The following NFATC2 variants were observed in gnomAD, a reference collection of about 807,000 sequenced individuals.
NFATC2 encodes nuclear factor of activated T cells 2.
NFATC2 carries 22 observed loss-of-function variants against 87.3 expected under a neutral mutation model. That is an observed-to-expected ratio of 0.25 (90% CI 0.18 to 0.36). The LOEUF is 0.36. NFATC2 is among the 10% of genes least tolerant of loss of function. The pLI is 1.00. For missense variants in NFATC2, 1,149 were observed against 1,259.1 expected (o/e 0.91, Z 1.32); for synonymous variants, 565 against 542.2 (o/e 1.04, Z -0.58).
At chr20:51,470,452 T>C (rs910107912) in intron 5 of NFATC2, among the ~76,000 whole-genome samples, 1 of 152,138 alleles carries the variant, frequency 6.6e-6, no homozygotes, top group Non-Finnish European at 1.5e-5. Context: ...TCCTAGGAAA[T>C]CACTCCACCT....
intron 1 of NFATC2, among the ~76,000 whole-genome samples, chr20:51,528,876 A>G (rs979284623): frequency 7.9e-5 from 12 of 152,172 alleles, no homozygotes; most frequent in Non-Finnish European, 1.8e-4. Flanking sequence ...TTTATAACTG[A>G]ACAGCATTAA....
intron 8 of NFATC2, among the ~76,000 whole-genome samples, chr20:51,434,724 GAA>G (rs751188635): frequency 6.6e-6 from 1 of 152,138 alleles, no homozygotes; most frequent in African/African-American, 2.4e-5. Flanking sequence ...TACTTTGTGG[GAA>G]TGAGACCTCC....
chr20:51,546,476 A>AGGGATGGAGGT (rs1005941516), upstream of NFATC2, among the ~76,000 whole-genome samples: 16 of 152,290 alleles, frequency 1.1e-4, no homozygotes, highest in African/African-American at 3.6e-4. Context: ...TGGGAGGTGG[A>AGGGATGGAGGT]GGGATGGAGG....
intron 5 of NFATC2, among the ~76,000 whole-genome samples, chr20:51,468,367 T>A (rs1039601173): frequency 6.6e-6 from 1 of 152,170 alleles, no homozygotes; most frequent in Admixed American, 6.5e-5. Context: ...GAAAAGAGCA[T>A]GTGAAAAAAT....
chr20:51,484,566 A>G (rs1989548614), intron 3 of NFATC2, among the ~76,000 whole-genome samples: 1 of 152,212 alleles, frequency 6.6e-6, no homozygotes, highest in South Asian at 2.1e-4. Context: ...AGTCTGTGAC[A>G]TCATGGGAGG....
At chr20:51,468,731 G>C (rs1007673665) in intron 5 of NFATC2, among the ~76,000 whole-genome samples, 2 of 152,234 alleles carry the variant, frequency 1.3e-5, no homozygotes, top group African/African-American at 4.8e-5. Context: ...GCCTGGTTCC[G>C]TCTTTATAGG....
At chr20:51,544,630 G>A (rs1027998036), upstream of NFATC2, among the ~76,000 whole-genome samples, 2 of 152,162 alleles carry the variant, frequency 1.3e-5, no homozygotes, top group East Asian at 1.9e-4. Context: ...AGTTATGAAC[G>A]GGGTTTTCAA....
At chr20:51,519,361 C>A (rs2076404580) in intron 2 of NFATC2, among the ~76,000 whole-genome samples, 1 of 151,814 alleles carries the variant, frequency 6.6e-6, no homozygotes, top group South Asian at 2.1e-4. Flanking sequence ...TGCCTGTAAT[C>A]CCAGCACTTA....
At chr20:51,518,785 A>G (rs1432620309) in intron 2 of NFATC2, among the ~76,000 whole-genome samples, 1 of 152,196 alleles carries the variant, frequency 6.6e-6, no homozygotes, top group Non-Finnish European at 1.5e-5. Flanking sequence ...TATGACATGA[A>G]CCATGAAGTA....
intron 9 of NFATC2, 90 bp from the exon 10 acceptor site, chr20:51,398,820 C>G: frequency 1.1e-6 from 1 of 896,642 alleles, no homozygotes; most frequent in Non-Finnish European, 1.8e-6. Context: ...CGATATCATC[C>G]AAGCCCAGGA....
At chr20:51,455,047 C>T (rs1986259143) in intron 5 of NFATC2, among the ~76,000 whole-genome samples, 1 of 152,170 alleles carries the variant, frequency 6.6e-6, no homozygotes, top group Non-Finnish European at 1.5e-5. Flanking sequence ...GGCAAATAAA[C>T]TTCTTTATAA....
intron 1 of NFATC2, among the ~76,000 whole-genome samples, chr20:51,526,004 C>T (rs2076540113): frequency 1.3e-5 from 2 of 150,848 alleles, no homozygotes; most frequent in South Asian, 4.2e-4. Context: ...GCAGCTCCTG[C>T]CTCAGACGCC....
At chr20:51,402,039 C>T (rs117299539) in intron 9 of NFATC2, among the ~76,000 whole-genome samples, 198 of 152,336 alleles carry the variant, frequency 1.3e-3, no homozygotes, top group African/African-American at 4.4e-3. Context: ...GTCTAAGGGA[C>T]GTCCAGTTTT....
At chr20:51,481,358 T>A (rs1422542862) in intron 3 of NFATC2, among the ~76,000 whole-genome samples, 1 of 151,502 alleles carries the variant, frequency 6.6e-6, no homozygotes, top group Non-Finnish European at 1.5e-5. Flanking sequence ...TTCAGGCTTC[T>A]CCAAAGGTGA....
intron 4 of NFATC2, among the ~76,000 whole-genome samples, chr20:51,474,360 A>G (rs1483985866): frequency 6.6e-6 from 1 of 152,232 alleles, no homozygotes; most frequent in Non-Finnish European, 1.5e-5. Flanking sequence ...TTACTTGTCT[A>G]GGGAGATTTT....
At chr20:51,477,538 T>TATATAC (rs1988827936) in intron 3 of NFATC2, among the ~76,000 whole-genome samples, 1 of 20,052 alleles carries the variant, frequency 5.0e-5, no homozygotes, top group Non-Finnish European at 8.3e-5. Context: ...TGTGTGTCTA[T>TATATAC]ATATATATAT....
intron 5 of NFATC2, among the ~76,000 whole-genome samples, chr20:51,461,628 G>C (rs949224558): frequency 6.6e-6 from 1 of 152,370 alleles, no homozygotes; most frequent in East Asian, 1.9e-4. Context: ...CCACCGCAAA[G>C]GTTCAGCGAA....
chr20:51,487,632 A>G (rs1203583576), intron 3 of NFATC2, among the ~76,000 whole-genome samples: 2 of 152,232 alleles, frequency 1.3e-5, no homozygotes, highest in Non-Finnish European at 2.9e-5. Flanking sequence ...AAGAACCCCA[A>G]GATGGTGAAG....
chr20:51,526,227 T>G (rs997662130), intron 1 of NFATC2, among the ~76,000 whole-genome samples: 6 of 152,040 alleles, frequency 3.9e-5, no homozygotes, highest in South Asian at 4.1e-4. Context: ...CCAAACCAGG[T>G]GCAGGCAAAC....
Sources: allele counts gnomAD v4.1 joint callset (sites outside exome capture counted in the v4.1 genomes callset), GRCh38; gene constraint gnomAD v4.1.1; transcripts MANE v1.5; gene names NCBI Gene and HGNC (gene_info 2026-07-23, HGNC 2026-07-21).